Variants in BAZ2B observed in about 807,000 individuals in gnomAD.
The protein encoded by BAZ2B is bromodomain adjacent to zinc finger domain 2B.
A neutral mutation model predicts 246.0 loss-of-function variants in BAZ2B; 91 were observed. The observed-to-expected ratio is 0.37, with a 90% CI of 0.31 to 0.44. The LOEUF (loss-of-function observed/expected upper bound fraction) is 0.44, where lower values mean the gene tolerates loss of function less well. BAZ2B is among the 20% of genes least tolerant of loss of function. The pLI is 1.00. For missense variants in BAZ2B, 2,332 were observed against 2,533.7 expected (o/e 0.92, Z 1.71); for synonymous variants, 855 against 860.0 (o/e 0.99, Z 0.10).
the BAZ2B span, among the ~76,000 whole-genome samples, chr2:159,702,832 A>T: frequency 3.0e-4 from 45 of 152,196 alleles, no homozygotes; most frequent in African/African-American, 8.9e-4. Flanking sequence ...TGAGGTCAGG[A>T]GATCGAGACC....
intron 9 of BAZ2B, among the ~76,000 whole-genome samples, chr2:159,431,434 A>T (rs1366296575): frequency 2.0e-5 from 3 of 152,208 alleles, no homozygotes; most frequent in African/African-American, 7.2e-5. Context: ...GCATCAAAAT[A>T]ATTTTTTATT....
At chr2:159,554,590 G>A (rs2088815056) in intron 2 of BAZ2B, among the ~76,000 whole-genome samples, 1 of 151,184 alleles carries the variant, frequency 6.6e-6, no homozygotes, top group Non-Finnish European at 1.5e-5. Flanking sequence ...CTTAACAAAT[G>A]AACCAGTTTT....
intron 20 of BAZ2B, among the ~76,000 whole-genome samples, chr2:159,391,396 G>A (rs1009394038): frequency 6.6e-5 from 10 of 152,118 alleles, no homozygotes; most frequent in African/African-American, 2.4e-4. Context: ...ACACTTCTCA[G>A]AATGTATTGT....
At chr2:159,666,684 C>T in the BAZ2B span, among the ~76,000 whole-genome samples, 11,649 of 151,996 alleles carry the variant, frequency 0.077, 939 homozygotes, top group African/African-American at 0.2. Flanking sequence ...AACAAAACCC[C>T]GTCTCTACTA....
Position 159,440,808 on chromosome 2 carries a change from C to T in BAZ2B, c.697-1596G>A, listed in dbSNP as rs367652643. ...ACAGGTGTGAGCCACCACATCTGGCCTTGCAATGACTCTGCTTTAACTGCT... is the reference window on the plus strand; with the variant it reads ...ACAGGTGTGAGCCACCACATCTGGCTTTGCAATGACTCTGCTTTAACTGCT... On this transcript the variant is annotated intron_variant, in intron 6 of 36. Transcript: ENST00000392783. 3.4e-4 allele frequency among the ~76,000 whole-genome samples: 52 copies of T among 152,240 alleles called. No individual in the cohort carries two copies. In the South Asian group the frequency reaches 0.011, roughly 32 times the overall value.
intron 2 of BAZ2B, among the ~76,000 whole-genome samples, chr2:159,499,998 C>A (rs759409423): frequency 3.3e-5 from 5 of 152,180 alleles, no homozygotes; most frequent in Non-Finnish European, 7.3e-5. Context: ...GTTTCTTTTA[C>A]TGTGCAGAAG....
At chr2:159,550,837 G>GA (rs1264721835) in intron 2 of BAZ2B, among the ~76,000 whole-genome samples, 5 of 151,460 alleles carry the variant, frequency 3.3e-5, no homozygotes, top group South Asian at 4.2e-4. Flanking sequence ...GAGAAAAATA[G>GA]AAAAAAAAAT....
the BAZ2B span, among the ~76,000 whole-genome samples, chr2:159,700,639 G>T: frequency 1.2e-4 from 18 of 152,272 alleles, no homozygotes; most frequent in Admixed American, 1.0e-3. Flanking sequence ...TAGAGACAGG[G>T]TTTCACCATA....
chr2:159,490,820 T>G (rs2080372953), intron 2 of BAZ2B, among the ~76,000 whole-genome samples: 2 of 152,200 alleles, frequency 1.3e-5, no homozygotes, highest in Admixed American at 1.3e-4. Flanking sequence ...ACACTGTGCT[T>G]TGGTTAGCAC....
intron 5 of BAZ2B, among the ~76,000 whole-genome samples, chr2:159,447,184 T>C (rs1221283778): frequency 6.6e-6 from 1 of 150,404 alleles, no homozygotes; most frequent in Non-Finnish European, 1.5e-5. Flanking sequence ...CTTCCAGGGC[T>C]GAGAGAGAGG....
At chr2:159,315,574 G>A (rs2062027554), downstream of BAZ2B, among the ~76,000 whole-genome samples, 1 of 152,234 alleles carries the variant, frequency 6.6e-6, no homozygotes, top group African/African-American at 2.4e-5. Context: ...TAACATAATG[G>A]CTGGTTTTGC....
chr2:159,358,904 T>C (rs2059393907), intron 27 of BAZ2B, among the ~76,000 whole-genome samples: 1 of 152,176 alleles, frequency 6.6e-6, no homozygotes, highest in Admixed American at 6.5e-5. Flanking sequence ...ATAAGTTCTT[T>C]GAAACCAATG....
At chr2:159,644,639 T>C in the BAZ2B span, among the ~76,000 whole-genome samples, 1 of 152,256 alleles carries the variant, frequency 6.6e-6, no homozygotes, top group Non-Finnish European at 1.5e-5. Context: ...TCAAGAAGTC[T>C]GAAAGCCTTC....
At chr2:159,331,756 A>G (rs1299392928) in intron 34 of BAZ2B, among the ~76,000 whole-genome samples, 1 of 152,188 alleles carries the variant, frequency 6.6e-6, no homozygotes, top group Non-Finnish European at 1.5e-5. Context: ...GAAATCAGAG[A>G]ATTGTATTAA....
intron 20 of BAZ2B, among the ~76,000 whole-genome samples, chr2:159,391,858 T>G (rs1043269483): frequency 6.6e-6 from 1 of 152,206 alleles, no homozygotes; most frequent in Non-Finnish European, 1.5e-5. Context: ...AAGCATTTAT[T>G]ACTGTCTACT....
intron 2 of BAZ2B, among the ~76,000 whole-genome samples, chr2:159,506,806 G>C (rs1425503732): frequency 2.0e-5 from 3 of 152,152 alleles, no homozygotes; most frequent in African/African-American, 4.8e-5. Context: ...AGAGTACTGA[G>C]TTCTTTTCCA....
At chr2:159,565,845 A>G (rs1682432101) in intron 1 of BAZ2B, among the ~76,000 whole-genome samples, 1 of 152,046 alleles carries the variant, frequency 6.6e-6, no homozygotes, top group South Asian at 2.1e-4. Flanking sequence ...TTGCTGCTGG[A>G]AATACAAAGG....
chr2:159,584,485 A>G (rs776271509), intron 1 of BAZ2B, among the ~76,000 whole-genome samples: 2 of 152,218 alleles, frequency 1.3e-5, no homozygotes, highest in African/African-American at 2.4e-5. Flanking sequence ...GAGTAGGAGC[A>G]GAAGCCCTAG....
chr2:159,417,859 T>C (rs1180253094), intron 13 of BAZ2B, among the ~76,000 whole-genome samples: 2 of 152,156 alleles, frequency 1.3e-5, no homozygotes, highest in Admixed American at 6.5e-5. Context: ...CCCTCAGTAA[T>C]GCATTAGAAA....
Sources: allele counts gnomAD v4.1 joint callset (sites outside exome capture counted in the v4.1 genomes callset), GRCh38; gene constraint gnomAD v4.1.1; transcripts MANE v1.5; gene names NCBI Gene and HGNC (gene_info 2026-07-23, HGNC 2026-07-21).